Variants in SOX6 observed in about 807,000 individuals in gnomAD.
SOX6 encodes the protein SRY-box transcription factor 6, also known as transcription factor SOX-6.
Under a neutral mutation model 97.8 loss-of-function variants are expected in SOX6, and 11 were observed. The observed-to-expected ratio is 0.11, with a 90% confidence interval of 0.07 to 0.19. The LOEUF (loss-of-function observed/expected upper bound fraction) is 0.19. SOX6 is among the 10% of genes least tolerant of loss of function. The pLI, the probability that SOX6 is intolerant of heterozygous loss-of-function variation, is 1.00. For missense variants in SOX6, 810 were observed against 1,039.5 expected, an observed-to-expected ratio of 0.78 and a Z score of 3.04; for synonymous variants, 360 against 371.4, an observed-to-expected ratio of 0.97 and a Z score of 0.35.
At chr11:16,348,231 A>G (rs1458498839) in intron 1 of SOX6, among the ~76,000 whole-genome samples, 2 of 152,142 alleles carry the variant, frequency 1.3e-5, no homozygotes, top group African/African-American at 4.8e-5. Context: ...AGTTAAATAT[A>G]GGTGCCAAGC....
At position 16,179,292 on chromosome 11, in the gene SOX6, G is replaced by A. The variant is rs550781069; in HGVS notation, c.777+4594C>T. On this transcript the variant is annotated intron_variant, in intron 6 of 15. Coordinates refer to ENST00000683767, the MANE Select transcript of SOX6 (RefSeq NM_001367873.1). Reference sequence around the variant, plus strand: ...TTTCTGGTTACCAAAAAGGAAGAAAGGATAACACACATTTAATGATGCTCT... The same window carrying A: ...TTTCTGGTTACCAAAAAGGAAGAAAAGATAACACACATTTAATGATGCTCT... Among the ~76,000 whole-genome samples, 199 of 151,848 alleles carry A rather than the reference G, an allele frequency of 1.3e-3. 1 individual carries two copies. Among genetic ancestry groups the A allele is most frequent in the African/African-American group, 4.7e-3 (195 of 41,460 alleles).
At chr11:16,220,499 A>G (rs1852505186) in intron 4 of SOX6, among the ~76,000 whole-genome samples, 1 of 152,054 alleles carries the variant, frequency 6.6e-6, no homozygotes, top group Admixed American at 6.6e-5. Flanking sequence ...CGTTGGTGAC[A>G]TGAACTACGC....
At chr11:16,460,916 T>C (rs1859912672) in intron 1 of SOX6, among the ~76,000 whole-genome samples, 1 of 152,150 alleles carries the variant, frequency 6.6e-6, no homozygotes, top group Admixed American at 6.6e-5. Context: ...CTACACACTT[T>C]AGGTCCTAGC....
At chr11:16,029,652 A>G (rs1413674493) in intron 12 of SOX6, among the ~76,000 whole-genome samples, 2 of 152,098 alleles carry the variant, frequency 1.3e-5, no homozygotes, top group African/African-American at 4.8e-5. Flanking sequence ...AAAAACAAAA[A>G]AAAAACCGAT....
chr11:16,198,220 ATTTTTTTTTCTTTT>A lies in SOX6; in HGVS notation c.536-11279_536-11266del, dbSNP rs1346139185. On this transcript the variant is annotated intron_variant, in intron 4 of 15. Transcript: ENST00000683767. ...AGGCGCCTGCCACCACGCCCTGCTA[ATTTTTTTTTCTTTT>A]TTTTTTTTTTTTTGTATTTTTAGTA... is the stretch of plus-strand genomic sequence containing the variant. Among the ~76,000 whole-genome samples, 7 of 100,012 alleles carry A rather than the reference ATTTTTTTTTCTTTT, an allele frequency of 7.0e-5. No individual in the cohort carries two copies. The East Asian group carries it at 2.5e-3, about 36-fold the overall frequency. 65.6% of individuals were successfully genotyped at this position (100,012 alleles called of 152,430 possible). A position where few individuals can be genotyped will look rare whatever the true frequency, so the allele number is the denominator to read the frequency against.
At chr11:15,993,553 T>C (rs1854122858) in intron 13 of SOX6, among the ~76,000 whole-genome samples, 1 of 152,186 alleles carries the variant, frequency 6.6e-6, no homozygotes, top group Non-Finnish European at 1.5e-5. Context: ...CAAATGACAG[T>C]TGCTGAAAGG....
chr11:16,451,280 T>C (rs1307602867), intron 1 of SOX6, among the ~76,000 whole-genome samples: 1 of 152,054 alleles, frequency 6.6e-6, no homozygotes, highest in African/African-American at 2.4e-5. Flanking sequence ...GTAGCATATA[T>C]TATAACTGAA....
At chr11:16,470,950 G>A (rs1860131163) in intron 1 of SOX6, among the ~76,000 whole-genome samples, 1 of 151,946 alleles carries the variant, frequency 6.6e-6, no homozygotes, top group South Asian at 2.1e-4. Context: ...ATCCTTGTCA[G>A]AAACATCAGG....
intron 4 of SOX6, among the ~76,000 whole-genome samples, chr11:16,508,756 G>A (rs1013179857): frequency 3.3e-5 from 5 of 152,048 alleles, no homozygotes; most frequent in Non-Finnish European, 7.4e-5. Flanking sequence ...GAAGGGAAAA[G>A]TTCTATGTTC....
chr11:16,002,599 T>C (rs555109966), intron 13 of SOX6, among the ~76,000 whole-genome samples: 2 of 152,274 alleles, frequency 1.3e-5, no homozygotes, highest in Admixed American at 1.3e-4. Context: ...TACAAGCTGT[T>C]GAGCCCAGGT....
At chr11:15,973,237 TAAGCAAATAA>T (rs1185267925) in intron 15 of SOX6, 125 bp from the exon 16 acceptor site, 1 of 932,660 alleles carries the variant, frequency 1.1e-6, no homozygotes, top group Non-Finnish European at 1.6e-6. Context: ...AATAACATTC[TAAGCAAATAA>T]AATGTGACAA....
At chr11:16,046,488 C>A (rs1286697170) in intron 12 of SOX6, 26 bp downstream of exon 12, 1 of 1,611,074 alleles carries the variant, frequency 6.2e-7, no homozygotes, top group Non-Finnish European at 8.5e-7. Flanking sequence ...TCTAGCAGAT[C>A]CAGTGACACA....
chr11:16,091,079 C>T (rs923480451), intron 9 of SOX6, among the ~76,000 whole-genome samples: 1 of 151,938 alleles, frequency 6.6e-6, no homozygotes, highest in Non-Finnish European at 1.5e-5. Flanking sequence ...ATCCAAAGTT[C>T]TAATTCCATA....
intron 9 of SOX6, among the ~76,000 whole-genome samples, chr11:16,075,814 A>C (rs950020743): frequency 6.6e-6 from 1 of 152,182 alleles, no homozygotes; most frequent in African/African-American, 2.4e-5. Context: ...AATAATAATA[A>C]TAAAGAAATT....
At chr11:16,142,524 G>C (rs1301483054) in intron 6 of SOX6, among the ~76,000 whole-genome samples, 4 of 152,154 alleles carry the variant, frequency 2.6e-5, no homozygotes, top group Admixed American at 2.6e-4. Context: ...CGAGTTCAGA[G>C]AAAAAGGCTT....
intron 2 of SOX6, among the ~76,000 whole-genome samples, chr11:16,321,976 G>A (rs1349479922): frequency 6.6e-6 from 1 of 151,738 alleles, no homozygotes; most frequent in Non-Finnish European, 1.5e-5. Flanking sequence ...ACTTATAATA[G>A]GTTACTGTCT....
intron 1 of SOX6, among the ~76,000 whole-genome samples, chr11:16,437,269 T>C (rs921594012): frequency 2.5e-4 from 32 of 130,236 alleles, no homozygotes; most frequent in African/African-American, 9.3e-4. Flanking sequence ...ACCCTGTCTC[T>C]ATTTTTTTTT....
chr11:16,724,454 G>A (rs1228480797), intron 2 of SOX6, among the ~76,000 whole-genome samples: 1 of 150,916 alleles, frequency 6.6e-6, no homozygotes, highest in African/African-American at 2.4e-5. Flanking sequence ...TTCTAAAAAC[G>A]TGGTCTTCAT....
At chr11:16,653,318 A>G (rs1486714990) in intron 3 of SOX6, among the ~76,000 whole-genome samples, 1 of 152,220 alleles carries the variant, frequency 6.6e-6, no homozygotes, top group Non-Finnish European at 1.5e-5. Context: ...ACTTGCGAGC[A>G]CATTTATAGC....
Sources: gnomAD v4.1 joint callset for allele counts (sites outside exome capture counted in the v4.1 genomes callset) on GRCh38, gnomAD v4.1.1 for gene constraint, MANE v1.5 for transcripts, NCBI Gene and HGNC (gene_info 2026-07-23, HGNC 2026-07-21) for gene names.